Variants in PDE4D observed in about 807,000 individuals in gnomAD.
PDE4D encodes the protein 3',5'-cyclic-AMP phosphodiesterase 4D.
A neutral mutation model predicts 87.4 loss-of-function variants in PDE4D; 24 were observed. That is an observed-to-expected ratio of 0.27 (90% CI 0.20 to 0.39). The LOEUF is 0.39. Among genes scored for constraint, PDE4D ranks in the 10% least tolerant of loss-of-function variants. The pLI is 1.00. For missense variants in PDE4D, 714 were observed against 1,041.0 expected, an observed-to-expected ratio of 0.69 and a Z score of 4.32; for synonymous variants, 384 against 383.2, an observed-to-expected ratio of 1.00 and a Z score of -0.02.
chr5:59,452,505 T>G (rs1562215083), intron 1 of PDE4D, among the ~76,000 whole-genome samples: 1 of 152,150 alleles, frequency 6.6e-6, no homozygotes, highest in African/African-American at 2.4e-5. Flanking sequence ...GGCTGATGTA[T>G]GCAAGGATTA....
At chr5:60,174,914 T>A (rs1353406131) in intron 2 of PDE4D, among the ~76,000 whole-genome samples, 1 of 152,114 alleles carries the variant, frequency 6.6e-6, no homozygotes, top group Non-Finnish European at 1.5e-5. Flanking sequence ...TTGGTATATA[T>A]CTTGCTTGAT....
At chr5:60,095,135 G>T (rs1052838789) in intron 2 of PDE4D, among the ~76,000 whole-genome samples, 1 of 152,092 alleles carries the variant, frequency 6.6e-6, no homozygotes, top group African/African-American at 2.4e-5. Flanking sequence ...GTGCCATGGT[G>T]GTTTGCTGCA....
At chr5:59,758,255 T>G (rs372188463) in intron 1 of PDE4D, among the ~76,000 whole-genome samples, 68 of 152,172 alleles carry the variant, frequency 4.5e-4, no homozygotes, top group African/African-American at 1.6e-3. Flanking sequence ...CGGTTAACAA[T>G]ACTTACATCC....
At chr5:59,568,929 T>C (rs1425745086) in intron 1 of PDE4D, among the ~76,000 whole-genome samples, 1 of 152,176 alleles carries the variant, frequency 6.6e-6, no homozygotes, top group Non-Finnish European at 1.5e-5. Flanking sequence ...GGTTCATTCA[T>C]TGTAACAAAA....
At chr5:59,670,521 A>C (rs1233795054) in intron 1 of PDE4D, among the ~76,000 whole-genome samples, 1 of 152,180 alleles carries the variant, frequency 6.6e-6, no homozygotes, top group African/African-American at 2.4e-5. Flanking sequence ...CTATGTTTAT[A>C]AGGTATATAC....
chr5:60,100,205 G>A (rs1275117829), intron 2 of PDE4D, among the ~76,000 whole-genome samples: 1 of 151,922 alleles, frequency 6.6e-6, no homozygotes, highest in East Asian at 1.9e-4. Flanking sequence ...TTATGTATAT[G>A]TATATTTGTG....
At chr5:59,514,458 G>A (rs1582935427) in intron 1 of PDE4D, among the ~76,000 whole-genome samples, 1 of 152,162 alleles carries the variant, frequency 6.6e-6, no homozygotes, top group Non-Finnish European at 1.5e-5. Flanking sequence ...TAGGGAGTGG[G>A]AGGCTGTTAC....
intron 1 of PDE4D, among the ~76,000 whole-genome samples, chr5:60,449,489 G>A (rs1745918033): frequency 8.6e-6 from 1 of 115,718 alleles, no homozygotes; most frequent in East Asian, 2.5e-4. Flanking sequence ...TCTGGGGACT[G>A]TTGTGGGGTG....
intron 5 of PDE4D, chr5:59,179,546 C>A (rs1284072435): frequency 6.1e-6 from 2 of 330,230 alleles, no homozygotes; most frequent in Non-Finnish European, 1.2e-5. Flanking sequence ...CATTGAAATA[C>A]AAGTTTCACT....
intron 5 of PDE4D, among the ~76,000 whole-genome samples, chr5:59,128,780 C>T (rs1423528874): frequency 6.6e-6 from 1 of 152,190 alleles, no homozygotes; most frequent in Admixed American, 6.5e-5. Context: ...GCAACTGTTC[C>T]AGAGAGAAGC....
At chr5:60,441,617 C>G (rs1223878440) in intron 1 of PDE4D, among the ~76,000 whole-genome samples, 1 of 152,140 alleles carries the variant, frequency 6.6e-6, no homozygotes, top group East Asian at 1.9e-4. Context: ...AGCTTCTGCA[C>G]AGCAAAAGAA....
intron 1 of PDE4D, among the ~76,000 whole-genome samples, chr5:60,304,370 G>A (rs560577323): frequency 3.1e-4 from 47 of 152,104 alleles, no homozygotes; most frequent in Middle Eastern, 3.4e-3. Context: ...GAAGGGCCGG[G>A]CGCGGTGGCT....
chr5:59,244,219 G>A (rs1269798492), intron 1 of PDE4D, among the ~76,000 whole-genome samples: 1 of 151,800 alleles, frequency 6.6e-6, no homozygotes, highest in Non-Finnish European at 1.5e-5. Context: ...GCAACATGGT[G>A]ACACCCTGTC....
chr5:59,744,368 C>T (rs922151787), intron 1 of PDE4D, among the ~76,000 whole-genome samples: 1 of 152,130 alleles, frequency 6.6e-6, no homozygotes, highest in South Asian at 2.1e-4. Context: ...GCAGAATATA[C>T]TTTAATATTC....
intron 1 of PDE4D, chr5:60,459,938 CTT>C (rs1746793018): frequency 1.4e-6 from 1 of 725,744 alleles, no homozygotes; most frequent in Non-Finnish European, 2.5e-6. Context: ...TCATTAGTAT[CTT>C]TTTATCCTTC....
intron 1 of PDE4D, among the ~76,000 whole-genome samples, chr5:59,614,738 T>C (rs1829446372): frequency 6.6e-6 from 1 of 152,222 alleles, no homozygotes. Flanking sequence ...GCACTAGTTA[T>C]TCTTCAGTTG....
rs1011672691 is a variant in PDE4D, at chr5:59,157,578, G to A, written c.808+23017C>T. ...TTCAATGAGGACAGAAAGTAATATT[G>A]TATAATTGTTATTATTACCATAATG... is the stretch of plus-strand genomic sequence containing the variant. On this transcript the variant is annotated intron_variant, in intron 5 of 14. Transcript: ENST00000340635. Among the ~76,000 whole-genome samples, 5 of 152,310 alleles carry A rather than the reference G, an allele frequency of 3.3e-5. No individual in the cohort carries two copies. The South Asian group carries it at 1.0e-3, about 32-fold the overall frequency.
chr5:59,542,455 T>C (rs1404122132), intron 1 of PDE4D, among the ~76,000 whole-genome samples: 1 of 152,188 alleles, frequency 6.6e-6, no homozygotes, highest in African/African-American at 2.4e-5. Context: ...GAGGATCAAA[T>C]TGATGAACCA....
intron 5 of PDE4D, among the ~76,000 whole-genome samples, chr5:59,169,618 C>T (rs1486717030): frequency 6.6e-6 from 1 of 152,152 alleles, no homozygotes; most frequent in African/African-American, 2.4e-5. Flanking sequence ...CACATATGAT[C>T]GTGCTTATCC....
Sources: gnomAD v4.1 joint callset for allele counts (sites outside exome capture counted in the v4.1 genomes callset) on GRCh38, gnomAD v4.1.1 for gene constraint, MANE v1.5 for transcripts, NCBI Gene and HGNC (gene_info 2026-07-23, HGNC 2026-07-21) for gene names.